Variants in SFRP1 observed in about 807,000 individuals in gnomAD.
SFRP1 encodes secreted frizzled-related protein 1.
A neutral mutation model predicts 25.9 loss-of-function variants in SFRP1; 9 were observed. That is an observed-to-expected ratio of 0.35 (90% CI 0.21 to 0.61). SFRP1 has a LOEUF of 0.61. Ranked by LOEUF, SFRP1 falls within the 20% of genes least tolerant of loss-of-function variation. SFRP1 has a pLI of 0.78. For synonymous variants in SFRP1, 178 were observed against 174.0 expected (o/e 1.02, Z -0.18); for missense variants, 346 against 418.2 (o/e 0.83, Z 1.51).
At chr8:41,298,230 G>A (rs1803867951) in intron 2 of SFRP1, 1 of 152,126 alleles carries the variant, frequency 6.6e-6, no homozygotes, top group African/African-American at 2.4e-5. Context: ...ACCATGCAAG[G>A]ATAACACGTG....
intron 2 of SFRP1, chr8:41,275,006 C>T: frequency 3.5e-6 from 1 of 287,060 alleles, no homozygotes; most frequent in South Asian, 2.7e-5. Context: ...TTGTTGTTTC[C>T]TTTTTTTTTC....
intron 2 of SFRP1, chr8:41,298,253 G>A (rs977024950): frequency 1.3e-5 from 2 of 152,178 alleles, no homozygotes; most frequent in African/African-American, 4.8e-5. Flanking sequence ...TTCGTGAAGT[G>A]TTCCGTATTT....
chr8:41,307,576 G>A (rs1196997686), intron 1 of SFRP1, among the ~76,000 whole-genome samples: 1 of 152,194 alleles, frequency 6.6e-6, no homozygotes, highest in Non-Finnish European at 1.5e-5. Flanking sequence ...CGCAGCTGGG[G>A]TACAGCTCCC....
At chr8:41,277,340 A>G (rs1803584253) in intron 2 of SFRP1, among the ~76,000 whole-genome samples, 1 of 152,216 alleles carries the variant, frequency 6.6e-6, no homozygotes, top group Admixed American at 6.5e-5. Context: ...CTGCCAAGGC[A>G]AACAGCTTTT....
intron 2 of SFRP1, among the ~76,000 whole-genome samples, chr8:41,301,536 G>C (rs1278884726): frequency 6.6e-6 from 1 of 152,196 alleles, no homozygotes; most frequent in East Asian, 1.9e-4. Context: ...AAAGAAGCCT[G>C]CCATACACCA....
At chr8:41,285,037 C>T (rs1180582431) in intron 2 of SFRP1, among the ~76,000 whole-genome samples, 2 of 152,240 alleles carry the variant, frequency 1.3e-5, no homozygotes, top group Non-Finnish European at 2.9e-5. Context: ...GTGGCCTGTG[C>T]TGCCTGGTTT....
At chr8:41,281,183 G>T (rs901464774) in intron 2 of SFRP1, among the ~76,000 whole-genome samples, 3 of 152,134 alleles carry the variant, frequency 2.0e-5, no homozygotes, top group Admixed American at 6.5e-5. Context: ...GTGCAGGGAG[G>T]GAGTGGGAGT....
chr8:41,273,552 T>A (rs1455637653), intron 2 of SFRP1, among the ~76,000 whole-genome samples: 2 of 152,180 alleles, frequency 1.3e-5, no homozygotes, highest in Non-Finnish European at 2.9e-5. Flanking sequence ...GGTTACAATG[T>A]GATGTTTTGT....
At chr8:41,301,772 A>G (rs1003295439) in intron 2 of SFRP1, among the ~76,000 whole-genome samples, 6 of 152,242 alleles carry the variant, frequency 3.9e-5, no homozygotes, top group African/African-American at 1.4e-4. Flanking sequence ...AAAGGAACCC[A>G]ATCCCAAACA....
intron 2 of SFRP1, among the ~76,000 whole-genome samples, chr8:41,302,517 C>T (rs139876584): frequency 5.0e-4 from 76 of 152,286 alleles, no homozygotes; most frequent in African/African-American, 1.6e-3. Flanking sequence ...GTAAGAAATC[C>T]GATCTCAGGG....
intron 2 of SFRP1, among the ~76,000 whole-genome samples, chr8:41,291,212 T>C (rs1803775820): frequency 6.6e-6 from 1 of 151,920 alleles, no homozygotes; most frequent in African/African-American, 2.4e-5. Flanking sequence ...CCGGCCTTTT[T>C]TGAGGACTTT....
intron 2 of SFRP1, among the ~76,000 whole-genome samples, chr8:41,290,626 G>C (rs536280005): frequency 6.6e-6 from 1 of 152,096 alleles, no homozygotes; most frequent in African/African-American, 2.4e-5. Flanking sequence ...CTTCCCTGAC[G>C]GCCAGGACAG....
intron 2 of SFRP1, among the ~76,000 whole-genome samples, chr8:41,282,848 TG>T (rs1803652717): frequency 6.6e-6 from 1 of 152,216 alleles, no homozygotes; most frequent in South Asian, 2.1e-4. Flanking sequence ...TTTAAAGTAC[TG>T]CCCTGCCTTC....
At position 41,288,530 on chromosome 8, in the gene SFRP1, CAAAAAAAAAAAAAAAA is replaced by C. The variant is rs397893046; in HGVS notation, c.622+14915_622+14930del. 6.9e-3 allele frequency among the ~76,000 whole-genome samples: 270 copies of C among 39,096 alleles called. 1 individual carries two copies. The highest frequency in any genetic ancestry group is 0.019 in the African/African-American group (216 of 11,642). 25.6% of individuals were successfully genotyped at this position (39,096 alleles called of 152,430 possible). ...CCAGCCTGGGCAAAGAGACCCTGTCCAAAAAAAAAAAAAAAAAAAAAAAAAAAAAAAAAAAAAACTG... is the reference window on the plus strand; with the variant it reads ...CCAGCCTGGGCAAAGAGACCCTGTCCAAAAAAAAAAAAAAAAAAAAAACTG... On this transcript the variant is annotated intron_variant, in intron 2 of 2. Transcript: ENST00000220772.
rs11408385 is a variant in SFRP1, at chr8:41,295,529, C to CAAAA, written c.622+7928_622+7931dup. Among the ~76,000 whole-genome samples, 318 of 142,924 alleles carry CAAAA rather than the reference C, an allele frequency of 2.2e-3. 5 individuals are homozygous for CAAAA. The highest frequency in any genetic ancestry group is 7.7e-3 in the African/African-American group (299 of 38,700). 93.8% of individuals were successfully genotyped at this position (142,924 alleles called of 152,430 possible). A position where few individuals can be genotyped will look rare whatever the true frequency, so the allele number is the denominator to read the frequency against. The stretch of plus-strand genomic sequence containing the variant: ...CAGCGACAAGAGCAAGAGGCTGTCT[C>CAAAA]AAAAAAAAAAAAAAATTCACTACAG... On this transcript the variant is annotated intron_variant, in intron 2 of 2. Coordinates refer to ENST00000220772, the MANE Select transcript of SFRP1 (RefSeq NM_003012.5).
At chr8:41,302,659 A>G (rs1803938617) in intron 2 of SFRP1, among the ~76,000 whole-genome samples, 1 of 152,154 alleles carries the variant, frequency 6.6e-6, no homozygotes, top group African/African-American at 2.4e-5. Flanking sequence ...GGCCCTCCAA[A>G]GGGGTGCCGT....
intron 2 of SFRP1, among the ~76,000 whole-genome samples, chr8:41,282,685 G>T (rs1424758553): frequency 5.3e-5 from 8 of 151,884 alleles, no homozygotes. Flanking sequence ...GTATTATTTG[G>T]ACATTTTTTA....
At position 41,309,437 on chromosome 8, in the gene SFRP1, C is replaced by G. The variant is rs181785470; in HGVS notation, c.-278G>C. ...AGGAAGGCGCGGGGCGGCGGGCGCGCGGCACTGACTCCGGAGGCTGCAGGG... is the reference window on the plus strand; with the variant it reads ...AGGAAGGCGCGGGGCGGCGGGCGCGGGGCACTGACTCCGGAGGCTGCAGGG... On this transcript the variant is annotated 5_prime_UTR_variant, in exon 1 of 3. Transcript: ENST00000220772. 8.1e-3 allele frequency: 1,282 copies of G among 158,734 alleles called. 15 individuals are homozygous for G. The highest frequency in any genetic ancestry group is 0.029 in the African/African-American group (1,209 of 41,534). The allele number at this position is 158,734 out of a possible 1,614,324, so 9.8% of individuals were successfully genotyped here.
chr8:41,284,250 T>C (rs1301699453), intron 2 of SFRP1, among the ~76,000 whole-genome samples: 2 of 152,012 alleles, frequency 1.3e-5, no homozygotes, highest in Non-Finnish European at 1.5e-5. Context: ...GTGGCTATTA[T>C]GGAAACCGGC....
Sources: gnomAD v4.1 joint callset for allele counts (sites outside exome capture counted in the v4.1 genomes callset) on GRCh38, gnomAD v4.1.1 for gene constraint, MANE v1.5 for transcripts, NCBI Gene and HGNC (gene_info 2026-07-23, HGNC 2026-07-21) for gene names.